Variants in ASH1L observed in about 807,000 individuals in gnomAD.
The protein encoded by ASH1L is histone-lysine N-methyltransferase ASH1L.
Under a neutral mutation model 269.0 loss-of-function variants are expected in ASH1L, and 23 were observed. That is an observed-to-expected ratio of 0.09 (90% CI 0.06 to 0.12). The LOEUF (loss-of-function observed/expected upper bound fraction) is 0.12, where lower values mean the gene tolerates loss of function less well. Ranked by LOEUF, ASH1L falls within the 10% of genes least tolerant of loss-of-function variation. The pLI, the probability that ASH1L is intolerant of heterozygous loss-of-function variation, is 1.00. For synonymous variants in ASH1L, 1,187 were observed against 1,253.5 expected (o/e 0.95, Z 1.12); for missense variants, 2,912 against 3,567.8 (o/e 0.82, Z 4.68).
chr1:155,560,171 T>A (rs114109825), intron 1 of ASH1L, among the ~76,000 whole-genome samples: 1 of 152,144 alleles, frequency 6.6e-6, no homozygotes, highest in Non-Finnish European at 1.5e-5. Flanking sequence ...GACCTAAATA[T>A]AAATTGGCTC....
intron 3 of ASH1L, among the ~76,000 whole-genome samples, chr1:155,473,818 T>C (rs1045236686): frequency 3.9e-5 from 6 of 152,092 alleles, no homozygotes; most frequent in Non-Finnish European, 7.3e-5. Context: ...TATTAAGACA[T>C]TTAGTCTTAA....
intron 4 of ASH1L, among the ~76,000 whole-genome samples, chr1:155,451,250 C>T: frequency 6.7e-6 from 1 of 149,776 alleles, no homozygotes; most frequent in Admixed American, 6.7e-5. Context: ...CCCTGAGGAA[C>T]TTATGCTCTA....
chr1:155,426,795 C>A (rs186768160), intron 5 of ASH1L, among the ~76,000 whole-genome samples: 85 of 152,216 alleles, frequency 5.6e-4, no homozygotes, highest in Middle Eastern at 3.4e-3. Flanking sequence ...TTCTAGGCTA[C>A]ACAGTTCATC....
At chr1:155,541,163 T>C (rs1238525072) in intron 1 of ASH1L, among the ~76,000 whole-genome samples, 3 of 152,212 alleles carry the variant, frequency 2.0e-5, no homozygotes, top group Non-Finnish European at 4.4e-5. Flanking sequence ...TCCTGTTTGC[T>C]GTATTCACTG....
At chr1:155,503,957 A>G (rs1667660519) in intron 2 of ASH1L, among the ~76,000 whole-genome samples, 1 of 152,146 alleles carries the variant, frequency 6.6e-6, no homozygotes, top group Admixed American at 6.5e-5. Flanking sequence ...TCCTGAGCTC[A>G]AGCCACCCAC....
rs1389287486 is a variant in ASH1L at position 155,562,192 on chromosome 1, T to C, written c.-139A>G. On this transcript the variant is annotated 5_prime_UTR_variant, in exon 1 of 28. Transcript: ENST00000392403. ...AGGCCGAGGCCGAGAGCGATGAGAG[T>C]GCAGGGAAGTGGGGAAGAGGGGGTG... 2.5e-6 allele frequency: 4 copies of C among 1,605,550 alleles called. No individual in the cohort carries two copies. The highest frequency in any genetic ancestry group is 2.6e-6 in the Non-Finnish European group (3 of 1,173,570).
In ASH1L at chr1:155,344,245, T is replaced by C. The variant is rs757964056; in HGVS notation, c.7919A>G (p.Tyr2640Cys). Residue 2640 changes from tyrosine (Y) to cysteine (C), a missense_variant, in exon 22 of 28, where the codon TAT becomes TGT. Transcript: ENST00000392403. Reference protein sequence around the residue: ...REVPMIPRPHYAQPGCVYFIC... With the variant: ...REVPMIPRPHCAQPGCVYFIC... ...GAAGTAGACACAGCCAGGTTGGGCA[T>C]AGTGGGGCCGAGGGATCATGGGAAC... The C allele has an allele frequency of 5.6e-6, 9 of 1,614,124 alleles. No individual in the cohort carries two copies. Among genetic ancestry groups the C allele is most frequent in the Admixed American group, 5.0e-5 (3 of 60,002 alleles).
chr1:155,371,495 C>A (rs1216126926), intron 10 of ASH1L, among the ~76,000 whole-genome samples: 2 of 152,092 alleles, frequency 1.3e-5, no homozygotes, highest in Non-Finnish European at 2.9e-5. Flanking sequence ...TCGCAGTAAG[C>A]AGAGATCGCA....
intron 5 of ASH1L, chr1:155,433,481 G>A (rs1289382747): frequency 6.2e-7 from 1 of 1,610,744 alleles, no homozygotes; most frequent in Non-Finnish European, 8.5e-7. Flanking sequence ...CGAAGCAGGA[G>A]TCAGGGTGGA....
intron 17 of ASH1L, among the ~76,000 whole-genome samples, chr1:155,352,438 T>A (rs1654015778): frequency 6.6e-6 from 1 of 151,692 alleles, no homozygotes; most frequent in Non-Finnish European, 1.5e-5. Flanking sequence ...TCTCTTTATA[T>A]CCTTAGGTTA....
chr1:155,379,342 G>A (rs1044860826), intron 8 of ASH1L, among the ~76,000 whole-genome samples: 1 of 152,112 alleles, frequency 6.6e-6, no homozygotes, highest in Admixed American at 6.6e-5. Context: ...AGAAGACAAC[G>A]CAGAGGGGAA....
chr1:155,467,350 C>T (rs1447025666), intron 3 of ASH1L, among the ~76,000 whole-genome samples: 1 of 152,144 alleles, frequency 6.6e-6, no homozygotes, highest in East Asian at 1.9e-4. Flanking sequence ...TTGGGAGAAA[C>T]CAGGAAACCT....
At position 155,478,879 on chromosome 1, in the gene ASH1L, G is replaced by A; in HGVS notation, c.3991C>T (p.Pro1331Ser). ...RINFNSFYTH[P>S]SFPLDPLHYI... ...TGCAAAGGGTCTAAGGGGAAAGAAG[G>A]ATGTGTATAGAAACTATTAAAGTTG... Residue 1331 changes from proline to serine, a missense_variant, in exon 3 of 28, where the codon CCT becomes TCT. Physicochemically the swap from Pro to Ser is moderately conservative, Grantham distance 74. Coordinates refer to ENST00000392403, the MANE Select transcript of ASH1L (RefSeq NM_018489.3). This position sits in a 1 kb window ranked among gnomAD's most constrained non-coding sequence, Gnocchi z 4.6. 3 of 1,613,976 alleles carry A rather than the reference G, an allele frequency of 1.9e-6. No homozygotes were observed. Among genetic ancestry groups the A allele is most frequent in the Non-Finnish European group, 2.5e-6 (3 of 1,180,000 alleles).
chr1:155,478,355 G>A lies in ASH1L; in HGVS notation c.4515C>T (p.Gly1505=), dbSNP rs1665718197. ...AAGATTCCAGGACAGATCGGGAAGA[G>A]CCAGTGTCCATAGAAACCTGGGGTT... ...SEQPQVSMDT[G]SSRSVLESLK... is the part of the protein sequence containing the mutation. Residue 1505 remains glycine, a synonymous_variant, in exon 3 of 28, where the codon GGC becomes GGT. Coordinates refer to ENST00000392403, the MANE Select transcript of ASH1L (RefSeq NM_018489.3). This position sits in a 1 kb window ranked among gnomAD's most constrained non-coding sequence, Gnocchi z 4.6. 2 of 1,614,122 alleles carry A rather than the reference G, an allele frequency of 1.2e-6. No individual in the cohort carries two copies. Among genetic ancestry groups the A allele is most frequent in the Non-Finnish European group, 1.7e-6 (2 of 1,180,022 alleles).
intron 6 of ASH1L, among the ~76,000 whole-genome samples, chr1:155,409,731 G>A (rs1314334036): frequency 1.3e-5 from 2 of 152,228 alleles, no homozygotes; most frequent in Non-Finnish European, 2.9e-5. Context: ...CTCCCAAAAT[G>A]TTGAGATTAC....
intron 2 of ASH1L, among the ~76,000 whole-genome samples, chr1:155,511,641 G>GACT (rs969617537): frequency 6.6e-6 from 1 of 152,122 alleles, no homozygotes; most frequent in Non-Finnish European, 1.5e-5. Context: ...GAGTCACTGG[G>GACT]ACTACAGGCG....
chr1:155,473,107 CAT>C (rs763630629), intron 3 of ASH1L, among the ~76,000 whole-genome samples: 2 of 152,164 alleles, frequency 1.3e-5, no homozygotes, highest in Non-Finnish European at 2.9e-5. Flanking sequence ...TTGGTTAATA[CAT>C]GACTTTTAAA....
intron 5 of ASH1L, chr1:155,433,829 C>A (rs762717012): frequency 3.7e-6 from 6 of 1,606,772 alleles, no homozygotes; most frequent in Non-Finnish European, 5.1e-6. Flanking sequence ...CAATGAAAAT[C>A]TTCAGGAGAC....
rs1374738929 is a variant in ASH1L, at chr1:155,343,083, C to T, written c.8293+231G>A. 4.5e-6 allele frequency: 2 copies of T among 442,164 alleles called. No individual in the cohort carries two copies. The highest frequency in any genetic ancestry group is 8.1e-6 in the Non-Finnish European group (2 of 248,400). 27.4% of individuals were successfully genotyped at this position (442,164 alleles called of 1,614,324 possible). A position where few individuals can be genotyped will look rare whatever the true frequency, so the allele number is the denominator to read the frequency against. ...TTGGAGTGCAGTGGTGCGATCTTGG[C>T]TCACTGCAACCTCTGCCTCCCAGGC... On this transcript the variant is annotated intron_variant, in intron 24 of 27. Transcript: ENST00000392403. The surrounding 1 kb of genome is among the most constrained non-coding windows in gnomAD (Gnocchi z 6.1).
Sources: allele counts gnomAD v4.1 joint callset (sites outside exome capture counted in the v4.1 genomes callset), GRCh38; gene constraint gnomAD v4.1.1; non-coding constraint Gnocchi (gnomAD v3.1); transcripts MANE v1.5; gene names NCBI Gene and HGNC (gene_info 2026-07-23, HGNC 2026-07-21).